The following LINGO2 variants were observed in gnomAD, a reference collection of about 807,000 sequenced individuals.
LINGO2 encodes the protein leucine-rich repeat and immunoglobulin-like domain-containing nogo receptor-interacting protein 2.
Under a neutral mutation model 30.6 loss-of-function variants are expected in LINGO2, and 14 were observed. The observed-to-expected ratio is 0.46, with a 90% CI of 0.30 to 0.72. The LOEUF (loss-of-function observed/expected upper bound fraction) is 0.72. Among genes scored for constraint, LINGO2 ranks in the 30% least tolerant of loss-of-function variants. The probability of loss-of-function intolerance (pLI) is 0.07; values close to 1 mark genes in which losing one functional copy is unlikely to be tolerated. For missense variants in LINGO2, 729 were observed against 751.7 expected (o/e 0.97, Z 0.35); for synonymous variants, 317 against 288.5 (o/e 1.10, Z -1.00).
chr9:28,262,429 A>G, intron 4 of LINGO2, among the ~76,000 whole-genome samples: 1 of 151,934 alleles, frequency 6.6e-6, no homozygotes, highest in East Asian at 1.9e-4. Context: ...TCCAGCTGGT[A>G]TTTTAAAATA....
chr9:28,841,215 T>C, the LINGO2 span, among the ~76,000 whole-genome samples: 1 of 151,782 alleles, frequency 6.6e-6, no homozygotes, highest in Non-Finnish European at 1.5e-5. Flanking sequence ...GGCTGACTCA[T>C]ATGTATATGT....
chr9:29,147,769 T>C, the LINGO2 span, among the ~76,000 whole-genome samples: 1 of 152,110 alleles, frequency 6.6e-6, no homozygotes, highest in South Asian at 2.1e-4. Flanking sequence ...ATATTGTTCA[T>C]TACTTGGTTT....
intron 1 of LINGO2, among the ~76,000 whole-genome samples, chr9:28,525,924 CGGGCGCTTGCAGT>C (rs1821010359): frequency 6.6e-6 from 1 of 151,550 alleles, no homozygotes; most frequent in Non-Finnish European, 1.5e-5. Flanking sequence ...GGCGTGGTGG[CGGGCGCTTGCAGT>C]CCCAGCTACT....
At chr9:28,380,010 C>G (rs1304345745) in intron 2 of LINGO2, among the ~76,000 whole-genome samples, 1 of 152,030 alleles carries the variant, frequency 6.6e-6, no homozygotes, top group Non-Finnish European at 1.5e-5. Context: ...AAATTACAGG[C>G]CACAAACATC....
At chr9:28,565,040 T>C (rs190492387) in intron 1 of LINGO2, among the ~76,000 whole-genome samples, 1 of 152,192 alleles carries the variant, frequency 6.6e-6, no homozygotes, top group East Asian at 1.9e-4. Context: ...TGAAATTCCA[T>C]CACCCTTCAA....
chr9:29,110,585 G>C, the LINGO2 span, among the ~76,000 whole-genome samples: 1 of 151,116 alleles, frequency 6.6e-6, no homozygotes, highest in Non-Finnish European at 1.5e-5. Context: ...GCCCGCCTCG[G>C]GGCCTCCCAA....
intron 4 of LINGO2, among the ~76,000 whole-genome samples, chr9:28,069,706 A>C (rs1825416466): frequency 6.6e-6 from 1 of 152,162 alleles, no homozygotes; most frequent in South Asian, 2.1e-4. Flanking sequence ...GCATACTGAA[A>C]GAGTAGCAGC....
At chr9:28,226,119 C>T (rs1821134664) in intron 4 of LINGO2, among the ~76,000 whole-genome samples, 1 of 152,124 alleles carries the variant, frequency 6.6e-6, no homozygotes, top group Admixed American at 6.6e-5. Flanking sequence ...AAGATTTGGT[C>T]CACTGGAATG....
the LINGO2 span, among the ~76,000 whole-genome samples, chr9:29,138,049 G>C: frequency 6.6e-6 from 1 of 151,480 alleles, no homozygotes; most frequent in Non-Finnish European, 1.5e-5. Context: ...TAATCTAGTA[G>C]CTCTACTTCT....
intron 4 of LINGO2, among the ~76,000 whole-genome samples, chr9:28,054,785 AACT>A (rs1299649128): frequency 2.0e-5 from 3 of 151,244 alleles, no homozygotes; most frequent in African/African-American, 7.4e-5. Flanking sequence ...TCCAGGCTAT[AACT>A]TAATTTTTAA....
At chr9:28,546,943 G>T (rs939600898) in intron 1 of LINGO2, among the ~76,000 whole-genome samples, 1 of 152,040 alleles carries the variant, frequency 6.6e-6, no homozygotes, top group African/African-American at 2.4e-5. Context: ...CCCCTAAGTT[G>T]CATTGAAAGT....
intron 1 of LINGO2, among the ~76,000 whole-genome samples, chr9:28,592,861 A>G (rs1024258201): frequency 6.6e-6 from 1 of 152,010 alleles, no homozygotes; most frequent in Non-Finnish European, 1.5e-5. Context: ...AACAAAGCAG[A>G]TATCTTCTGT....
chr9:28,716,427 G>T, the LINGO2 span, among the ~76,000 whole-genome samples: 33 of 152,014 alleles, frequency 2.2e-4, no homozygotes, highest in Admixed American at 2.1e-3. Flanking sequence ...GACAGGGAAA[G>T]TAATGTTATA....
chr9:28,421,101 A>G (rs1823175632), intron 2 of LINGO2, among the ~76,000 whole-genome samples: 1 of 152,050 alleles, frequency 6.6e-6, no homozygotes, highest in South Asian at 2.1e-4. Flanking sequence ...ATACAGTAGA[A>G]CAAAGAAACA....
intron 3 of LINGO2, among the ~76,000 whole-genome samples, chr9:28,314,448 T>G (rs1035572387): frequency 5.3e-5 from 8 of 152,138 alleles, no homozygotes; most frequent in African/African-American, 1.7e-4. Context: ...AACACCTTCC[T>G]TCCACCTGTC....
chr9:28,826,287 T>C, the LINGO2 span, among the ~76,000 whole-genome samples: 2 of 152,164 alleles, frequency 1.3e-5, no homozygotes, highest in African/African-American at 2.4e-5. Flanking sequence ...AGAAATTCTG[T>C]ATAACAATCA....
the LINGO2 span, among the ~76,000 whole-genome samples, chr9:29,073,574 T>C: frequency 6.6e-6 from 1 of 152,214 alleles, no homozygotes; most frequent in African/African-American, 2.4e-5. Flanking sequence ...GAAGTTTTAT[T>C]GGAACACAAC....
chr9:28,545,220 C>G (rs984569087), intron 1 of LINGO2, among the ~76,000 whole-genome samples: 2 of 151,964 alleles, frequency 1.3e-5, no homozygotes, highest in African/African-American at 4.8e-5. Flanking sequence ...GGGAGGCAGA[C>G]AAGGTAGTGA....
At chr9:28,019,365 A>G (rs1203260544) in intron 4 of LINGO2, among the ~76,000 whole-genome samples, 2 of 151,868 alleles carry the variant, frequency 1.3e-5, no homozygotes, top group South Asian at 2.1e-4. Context: ...AACACATAAT[A>G]AAAGCTCACC....
Sources: gnomAD v4.1 joint callset for allele counts (sites outside exome capture counted in the v4.1 genomes callset) on GRCh38, gnomAD v4.1.1 for gene constraint, MANE v1.5 for transcripts, NCBI Gene and HGNC (gene_info 2026-07-23, HGNC 2026-07-21) for gene names.